Variants in NAV2 observed in about 807,000 individuals in gnomAD.
NAV2 encodes the protein neuron navigator 2.
NAV2 carries 54 observed loss-of-function variants against 223.2 expected under a neutral mutation model. That is an observed-to-expected ratio of 0.24 (90% CI 0.19 to 0.30). NAV2 has a LOEUF of 0.30. Among genes scored for constraint, NAV2 ranks in the 10% least tolerant of loss-of-function variants. NAV2 has a pLI of 1.00. For synonymous variants in NAV2, 1,279 were observed against 1,239.3 expected (o/e 1.03, Z -0.67); for missense variants, 2,806 against 3,147.5 (o/e 0.89, Z 2.60).
intron 10 of NAV2, among the ~76,000 whole-genome samples, chr11:19,955,856 A>G (rs917928734): frequency 1.3e-5 from 2 of 152,238 alleles, no homozygotes; most frequent in African/African-American, 2.4e-5. Flanking sequence ...AGAGAAAGCC[A>G]GAGTGCTCCT....
At chr11:19,354,496 A>G (rs1184339432) in intron 1 of NAV2, among the ~76,000 whole-genome samples, 2 of 152,246 alleles carry the variant, frequency 1.3e-5, no homozygotes, top group African/African-American at 2.4e-5. Flanking sequence ...ATTTCCAGAC[A>G]CTGGCCTATG....
At chr11:20,023,606 G>GCTCT (rs2054723564) in intron 11 of NAV2, among the ~76,000 whole-genome samples, 1 of 152,022 alleles carries the variant, frequency 6.6e-6, no homozygotes, top group Non-Finnish European at 1.5e-5. Flanking sequence ...GTGGTTCAGA[G>GCTCT]GGCCCTGATT....
At chr11:19,635,414 G>A (rs1399789504) in intron 1 of NAV2, among the ~76,000 whole-genome samples, 3 of 152,234 alleles carry the variant, frequency 2.0e-5, no homozygotes, top group Admixed American at 2.0e-4. Context: ...TTATGGTAAT[G>A]TAGGCTGTCT....
intron 11 of NAV2, among the ~76,000 whole-genome samples, chr11:20,023,654 A>C (rs1269811481): frequency 6.6e-6 from 1 of 150,752 alleles, no homozygotes; most frequent in Non-Finnish European, 1.5e-5. Flanking sequence ...TTGGAATTTA[A>C]GGATCCTGGT....
At chr11:19,531,629 CAG>C (rs1376548472) in intron 1 of NAV2, among the ~76,000 whole-genome samples, 1 of 152,126 alleles carries the variant, frequency 6.6e-6, no homozygotes, top group African/African-American at 2.4e-5. Context: ...GTTGCTGAGA[CAG>C]GGGAGAATGA....
intron 5 of NAV2, among the ~76,000 whole-genome samples, chr11:19,885,319 A>G (rs1322085120): frequency 1.3e-5 from 2 of 152,156 alleles, no homozygotes; most frequent in African/African-American, 4.8e-5. Flanking sequence ...AACCTTCACT[A>G]TAACCACAGT....
chr11:19,927,308 G>A (rs942135493), intron 6 of NAV2, among the ~76,000 whole-genome samples: 3 of 152,204 alleles, frequency 2.0e-5, no homozygotes, highest in Admixed American at 6.5e-5. Context: ...AGGGCCAGGC[G>A]TAGTGGCTCA....
chr11:19,387,900 A>T (rs1431591985), intron 1 of NAV2, among the ~76,000 whole-genome samples: 1 of 152,144 alleles, frequency 6.6e-6, no homozygotes, highest in Non-Finnish European at 1.5e-5. Flanking sequence ...GACCTGATTC[A>T]CCCACTTGTT....
At chr11:19,507,349 T>C (rs993033224) in intron 1 of NAV2, 1 of 151,948 alleles carries the variant, frequency 6.6e-6, no homozygotes, top group Non-Finnish European at 1.5e-5. Context: ...CCCTGGAGAG[T>C]CCTCCTGGGA....
intron 36 of NAV2, 152 bp downstream of exon 36, chr11:20,107,934 C>G (rs1293358713): frequency 1.5e-6 from 1 of 649,602 alleles, no homozygotes; most frequent in African/African-American, 1.8e-5. Context: ...AGTGTAGGGA[C>G]ACACCTGGCT....
At chr11:19,954,448 A>G (rs969292730) in intron 10 of NAV2, among the ~76,000 whole-genome samples, 2 of 152,174 alleles carry the variant, frequency 1.3e-5, no homozygotes, top group Non-Finnish European at 1.5e-5. Context: ...GATTGGTTTC[A>G]GGACCCCCAG....
chr11:19,764,265 T>C (rs2055022304), intron 1 of NAV2, among the ~76,000 whole-genome samples: 1 of 152,236 alleles, frequency 6.6e-6, no homozygotes, highest in Non-Finnish European at 1.5e-5. Context: ...CATTTTATAA[T>C]TAAGTACTGC....
chr11:19,518,948 T>C (rs2632056), intron 1 of NAV2, among the ~76,000 whole-genome samples: 42,761 of 151,880 alleles, frequency 0.28, 7,028 homozygotes, highest in African/African-American at 0.46. Context: ...TCACCTTTTC[T>C]GCTGTGTAAG....
At chr11:19,803,194 C>T (rs563552149) in intron 1 of NAV2, among the ~76,000 whole-genome samples, 2 of 152,308 alleles carry the variant, frequency 1.3e-5, no homozygotes, top group African/African-American at 2.4e-5. Context: ...CCCAGGTGGG[C>T]AGGTTGTGCT....
chr11:19,631,673 T>C (rs902997437), intron 1 of NAV2, among the ~76,000 whole-genome samples: 1 of 152,210 alleles, frequency 6.6e-6, no homozygotes, highest in Admixed American at 6.5e-5. Flanking sequence ...CATTCAAAGC[T>C]GATGAAAGCA....
At chr11:19,562,242 A>G (rs983546446) in intron 1 of NAV2, among the ~76,000 whole-genome samples, 3 of 152,250 alleles carry the variant, frequency 2.0e-5, no homozygotes, top group African/African-American at 7.2e-5. Context: ...ACATCCATAT[A>G]TAGAAAGACG....
chr11:19,750,715 T>A (rs1355767531), intron 1 of NAV2, among the ~76,000 whole-genome samples: 1 of 152,172 alleles, frequency 6.6e-6, no homozygotes, highest in African/African-American at 2.4e-5. Flanking sequence ...ACTTGCACAG[T>A]CACAAAAGGA....
chr11:19,556,091 G>C (rs1364937237), intron 1 of NAV2, among the ~76,000 whole-genome samples: 1 of 152,118 alleles, frequency 6.6e-6, no homozygotes, highest in Non-Finnish European at 1.5e-5. Context: ...GCTCCCCGGG[G>C]ACCAGGAAGG....
chr11:19,438,234 C>G (rs1269245702), intron 1 of NAV2, among the ~76,000 whole-genome samples: 1 of 152,188 alleles, frequency 6.6e-6, no homozygotes, highest in Admixed American at 6.5e-5. Flanking sequence ...CTTGTCAATC[C>G]TTAACAGCAA....
Sources: gnomAD v4.1 joint callset for allele counts (sites outside exome capture counted in the v4.1 genomes callset) on GRCh38, gnomAD v4.1.1 for gene constraint, MANE v1.5 for transcripts, NCBI Gene and HGNC (gene_info 2026-07-23, HGNC 2026-07-21) for gene names.